The following CSMD3 variants were observed in gnomAD, a reference collection of about 807,000 sequenced individuals.
CSMD3 encodes CUB and Sushi multiple domains 3.
In CSMD3, 177 loss-of-function variants were observed where a neutral mutation model predicts 435.2. That is an observed-to-expected ratio of 0.41 (90% CI 0.36 to 0.46). The LOEUF (loss-of-function observed/expected upper bound fraction) is 0.46. Ranked by LOEUF, CSMD3 falls within the 20% of genes least tolerant of loss-of-function variation. The probability of loss-of-function intolerance (pLI) is 0.34; values close to 1 mark genes in which losing one functional copy is unlikely to be tolerated. For missense variants in CSMD3, 4,265 were observed against 4,504.6 expected (o/e 0.95, Z 1.52); for synonymous variants, 1,656 against 1,520.5 (o/e 1.09, Z -2.07).
intron 38 of CSMD3, among the ~76,000 whole-genome samples, chr8:112,376,197 A>C (rs1828925457): frequency 6.6e-6 from 1 of 152,152 alleles, no homozygotes; most frequent in African/African-American, 2.4e-5. Context: ...AAAGCACTGT[A>C]ATATTGCTTT....
At chr8:112,992,052 T>C (rs956402985) in intron 6 of CSMD3, among the ~76,000 whole-genome samples, 2 of 151,914 alleles carry the variant, frequency 1.3e-5, no homozygotes, top group African/African-American at 2.4e-5. Flanking sequence ...TAGATCCTCA[T>C]TATTCTTCCA....
chr8:112,380,008 T>C (rs1829323507), intron 38 of CSMD3, among the ~76,000 whole-genome samples: 1 of 152,144 alleles, frequency 6.6e-6, no homozygotes. Context: ...TCAATGGGTA[T>C]AAAGTTTCAG....
chr8:112,494,700 A>G (rs1270133439), intron 30 of CSMD3, among the ~76,000 whole-genome samples: 1 of 152,100 alleles, frequency 6.6e-6, no homozygotes, highest in African/African-American at 2.4e-5. Context: ...AAGCAATTAT[A>G]TTAAATAAAG....
intron 57 of CSMD3, 132 bp downstream of exon 57, chr8:112,289,233 A>C (rs1819524057): frequency 1.2e-6 from 1 of 802,898 alleles, no homozygotes; most frequent in African/African-American, 1.7e-5. Flanking sequence ...GCAGTGTTTC[A>C]GCTTTTCTTA....
chr8:113,373,737 T>C (rs185051131), intron 1 of CSMD3, among the ~76,000 whole-genome samples: 21 of 152,200 alleles, frequency 1.4e-4, no homozygotes, highest in Admixed American at 5.9e-4. Flanking sequence ...AGGGTATTTA[T>C]CACATATTTA....
chr8:112,308,586 A>G (rs1586727531), intron 50 of CSMD3, among the ~76,000 whole-genome samples: 1 of 152,078 alleles, frequency 6.6e-6, no homozygotes, highest in Non-Finnish European at 1.5e-5. Context: ...AGGCTTGTCT[A>G]TACAACTCTC....
chr8:112,552,646 T>C lies in CSMD3; in HGVS notation c.4309A>G (p.Asn1437Asp), dbSNP rs748693498. Residue 1437 changes from asparagine (N) to aspartate (D), a missense_variant, in exon 26 of 71, where the codon AAT becomes GAT. Physicochemically the swap from Asn to Asp is conservative, Grantham distance 23. Coordinates refer to ENST00000297405, the MANE Select transcript of CSMD3 (RefSeq NM_198123.2). ...LSPGYPFPYD[N>D]NLRCMWMIEV... The stretch of plus-strand genomic sequence containing the variant: ...ATCATCCACATGCAACGCAGGTTAT[T>C]GTCATATGGAAAAGGATAGCCAGGA... 74 of 1,612,354 alleles carry C rather than the reference T, an allele frequency of 4.6e-5. No individual in the cohort carries two copies. The highest frequency in any genetic ancestry group is 5.9e-5 in the Non-Finnish European group (69 of 1,179,008).
In CSMD3 at chr8:112,811,064, T is replaced by A. The variant is rs559041367; in HGVS notation, c.1860-10790A>T. 1.1e-4 allele frequency among the ~76,000 whole-genome samples: 16 copies of A among 152,160 alleles called. No individual in the cohort carries two copies. The South Asian group carries it at 3.3e-3, about 32-fold the overall frequency. ...AAGGTTATTCCTTCAAGGCTAATAA[T>A]ACAATAAATTTATAAATTAATTCAA... On this transcript the variant is annotated intron_variant, in intron 12 of 70. Transcript: ENST00000297405.
At chr8:112,585,242 T>C (rs1189767541) in intron 23 of CSMD3, among the ~76,000 whole-genome samples, 1 of 151,626 alleles carries the variant, frequency 6.6e-6, no homozygotes, top group Admixed American at 6.6e-5. Context: ...AATTGGTGTG[T>C]TTCTATTATA....
intron 12 of CSMD3, among the ~76,000 whole-genome samples, chr8:112,810,056 C>A (rs1470622533): frequency 6.6e-6 from 1 of 152,152 alleles, no homozygotes; most frequent in Non-Finnish European, 1.5e-5. Context: ...TGCTTAAAAA[C>A]CCTCCCACTT....
intron 32 of CSMD3, among the ~76,000 whole-genome samples, chr8:112,447,048 A>T (rs1815687097): frequency 6.6e-6 from 1 of 152,152 alleles, no homozygotes; most frequent in Non-Finnish European, 1.5e-5. Flanking sequence ...AGAGTGTAAT[A>T]CTCATTATAT....
intron 18 of CSMD3, among the ~76,000 whole-genome samples, chr8:112,654,018 T>TA (rs554334866): frequency 2.9e-4 from 40 of 140,334 alleles, no homozygotes; most frequent in African/African-American, 6.9e-4. Flanking sequence ...TAGAATGGGG[T>TA]AAAAAAAAAG....
chr8:112,326,700 T>G (rs983636986), intron 45 of CSMD3, among the ~76,000 whole-genome samples: 1 of 152,120 alleles, frequency 6.6e-6, no homozygotes, highest in African/African-American at 2.4e-5. Context: ...TAACCATTTG[T>G]TTGTTTCTTT....
chr8:113,279,857 C>T (rs2093600337), intron 2 of CSMD3, among the ~76,000 whole-genome samples: 1 of 151,750 alleles, frequency 6.6e-6, no homozygotes, highest in South Asian at 2.1e-4. Flanking sequence ...AGTTATTAAA[C>T]ATCTTTTTCT....
rs186528915 is a variant in CSMD3 at position 112,511,700 on chromosome 8, G to A, written c.4757-4871C>T. Among the ~76,000 whole-genome samples, 3 of 151,972 alleles carry A rather than the reference G, an allele frequency of 2.0e-5. No individual in the cohort carries two copies. The East Asian group carries it at 5.8e-4, about 29-fold the overall frequency. On this transcript the variant is annotated intron_variant, in intron 28 of 70. Transcript: ENST00000297405. ...CCACCACGCCCGGGGTGGCATTTTCGTAAAATAAGATAATAAAGAAGTCTG... is the reference window on the plus strand; with the variant it reads ...CCACCACGCCCGGGGTGGCATTTTCATAAAATAAGATAATAAAGAAGTCTG...
At chr8:113,291,231 T>C (rs1710686590) in intron 2 of CSMD3, among the ~76,000 whole-genome samples, 1 of 151,850 alleles carries the variant, frequency 6.6e-6, no homozygotes, top group Non-Finnish European at 1.5e-5. Flanking sequence ...CTATTATGTA[T>C]CTGTTTTAAA....
chr8:112,484,724 C>A (rs537488957), intron 31 of CSMD3, among the ~76,000 whole-genome samples: 1 of 151,922 alleles, frequency 6.6e-6, no homozygotes, highest in Non-Finnish European at 1.5e-5. Flanking sequence ...TAATTCAAAA[C>A]GCAAAATCCA....
intron 22 of CSMD3, among the ~76,000 whole-genome samples, chr8:112,612,081 T>C (rs1332743250): frequency 6.6e-6 from 1 of 152,090 alleles, no homozygotes; most frequent in Non-Finnish European, 1.5e-5. Flanking sequence ...TTTACCTATA[T>C]TAGTTGAGGA....
chr8:112,861,277 G>A (rs2080819755), intron 10 of CSMD3, among the ~76,000 whole-genome samples: 1 of 151,676 alleles, frequency 6.6e-6, no homozygotes, highest in Non-Finnish European at 1.5e-5. Context: ...CTAAAACACA[G>A]ATTTAATTAC....
Sources: allele counts gnomAD v4.1 joint callset (sites outside exome capture counted in the v4.1 genomes callset), GRCh38; gene constraint gnomAD v4.1.1; transcripts MANE v1.5; gene names NCBI Gene and HGNC (gene_info 2026-07-23, HGNC 2026-07-21).